Variants in ADAMTS20 observed in about 807,000 individuals in gnomAD.
The protein encoded by ADAMTS20 is ADAM metallopeptidase with thrombospondin type 1 motif 20, also known as A disintegrin and metalloproteinase with thrombospondin motifs 20.
ADAMTS20 carries 225 observed loss-of-function variants against 260.1 expected under a neutral mutation model. The observed-to-expected ratio is 0.87, with a 90% CI of 0.78 to 0.97. The LOEUF (loss-of-function observed/expected upper bound fraction) is 0.97, where lower values mean the gene tolerates loss of function less well. ADAMTS20 is among the 50% of genes least tolerant of loss of function. The pLI is 0.00. For synonymous variants in ADAMTS20, 802 were observed against 769.5 expected (o/e 1.04, Z -0.70); for missense variants, 2,400 against 2,337.7 (o/e 1.03, Z -0.55).
intron 2 of ADAMTS20, among the ~76,000 whole-genome samples, chr12:43,545,793 C>G (rs530631680): frequency 1.3e-5 from 2 of 152,068 alleles, no homozygotes; most frequent in African/African-American, 2.4e-5. Flanking sequence ...CCTATGTAAG[C>G]CTTTTTTTCT....
chr12:43,542,151 C>T (rs1186227130), intron 2 of ADAMTS20, among the ~76,000 whole-genome samples: 1 of 152,166 alleles, frequency 6.6e-6, no homozygotes, highest in Admixed American at 6.5e-5. Flanking sequence ...AAAGAAATGG[C>T]CACGTTCTTG....
chr12:43,430,528 T>C, intron 22 of ADAMTS20, 57 bp from the exon 23 acceptor site: 2 of 1,507,320 alleles, frequency 1.3e-6, no homozygotes, highest in Non-Finnish European at 9.0e-7. Context: ...TACACAAACT[T>C]CTATTTTCTT....
chr12:43,496,041 G>T (rs1249318723), intron 4 of ADAMTS20, among the ~76,000 whole-genome samples: 7 of 152,156 alleles, frequency 4.6e-5, no homozygotes, highest in Non-Finnish European at 1.0e-4. Context: ...GGTACTCAGA[G>T]AATTTTTGAA....
At chr12:43,434,424 T>C (rs1941510425) in intron 18 of ADAMTS20, 53 bp from the exon 19 acceptor site, 5 of 1,511,492 alleles carry the variant, frequency 3.3e-6, no homozygotes, top group East Asian at 2.4e-5. Context: ...CACAGTTAGA[T>C]GTTCCATAAT....
intron 3 of ADAMTS20, among the ~76,000 whole-genome samples, chr12:43,508,457 C>T (rs1465094933): frequency 6.6e-6 from 1 of 152,032 alleles, no homozygotes; most frequent in Admixed American, 6.6e-5. Flanking sequence ...CATGATAAAA[C>T]TGAATGGGTT....
rs957307979 is a variant in ADAMTS20, at chr12:43,551,158, G to A, written c.204C>T (p.Ser68=). The A allele has an allele frequency of 1.2e-6, 2 of 1,613,912 alleles. No homozygotes were observed. The highest frequency in any genetic ancestry group is 1.7e-5 in the Admixed American group (1 of 60,022). Residue 68 remains serine, a synonymous_variant, in exon 2 of 39, where the codon TCC becomes TCT. Transcript: ENST00000389420. The surrounding 1 kb of genome is among the most constrained non-coding windows in gnomAD (Gnocchi z 4.6). ...GGAACGGCATGGGTTCCAGCGCCTC[G>A]GAGCTGCGTTTCTGCCGGCTGAAGT... is the stretch of plus-strand genomic sequence containing the variant. ...SHHFSRQKRS[S]EALEPMPFRT...
At chr12:43,380,149 A>T (rs951642097) in intron 31 of ADAMTS20, among the ~76,000 whole-genome samples, 47 of 152,228 alleles carry the variant, frequency 3.1e-4, no homozygotes, top group African/African-American at 1.1e-3. Flanking sequence ...ATGAAAGTCA[A>T]TCTATGTAAT....
chr12:43,374,666 TA>T (rs1940182117), intron 36 of ADAMTS20, among the ~76,000 whole-genome samples: 1 of 152,184 alleles, frequency 6.6e-6, no homozygotes. Context: ...ACAAGAGTGT[TA>T]AAAAGGTCAA....
chr12:43,474,015 C>T (rs1172277755), intron 7 of ADAMTS20, among the ~76,000 whole-genome samples: 1 of 150,082 alleles, frequency 6.7e-6, no homozygotes, highest in Non-Finnish European at 1.5e-5. Context: ...AATAGAGACA[C>T]AAAAAACCCT....
intron 2 of ADAMTS20, 58 bp from the exon 3 acceptor site, chr12:43,532,253 A>G (rs1219222336): frequency 6.8e-6 from 10 of 1,462,294 alleles, no homozygotes; most frequent in Non-Finnish European, 9.3e-6. Context: ...AAGAAAAAAC[A>G]CATAGTACCA....
chr12:43,459,368 T>C (rs1292295390), intron 11 of ADAMTS20, among the ~76,000 whole-genome samples: 2 of 152,342 alleles, frequency 1.3e-5, no homozygotes, highest in Middle Eastern at 3.4e-3. Context: ...CCGGGTTCCA[T>C]GGTTCTCTTC....
In ADAMTS20 at chr12:43,429,636, C is replaced by T. The variant is rs373577605; in HGVS notation, c.3470G>A (p.Arg1157Gln). ...TVLIKKMAQWRHGSWTPCSVS... is the reference protein window; with the variant it reads ...TVLIKKMAQWQHGSWTPCSVS... Reference sequence around the variant, plus strand: ...ACTTACTGGGGTCCAAGAACCATGTCGCCATTGTGCCATCTTTTTTATGAG... The same window carrying T: ...ACTTACTGGGGTCCAAGAACCATGTTGCCATTGTGCCATCTTTTTTATGAG... The change falls in exon 24 of 39, where the codon CGA becomes CAA. Residue 1157 changes from arginine to glutamine, a missense_variant. Transcript: ENST00000389420. 14 of 1,595,582 alleles carry T rather than the reference C, an allele frequency of 8.8e-6. No homozygotes were observed. Among genetic ancestry groups the T allele is most frequent in the East Asian group, 2.2e-5 (1 of 44,524 alleles).
At position 43,453,997 on chromosome 12, in the gene ADAMTS20, C is replaced by T; in HGVS notation, c.1670G>A (p.Gly557Asp). 1 of 1,613,758 alleles carries T rather than the reference C, an allele frequency of 6.2e-7. No homozygotes were observed. Among genetic ancestry groups the T allele is most frequent in the Non-Finnish European group, 8.5e-7 (1 of 1,179,810 alleles). The change falls in exon 12 of 39, where the codon GGT (glycine) becomes GAT (aspartate). Residue 557 changes from glycine (G) to aspartate (D), a missense_variant. Transcript: ENST00000389420. The stretch of plus-strand genomic sequence containing the variant: ...GTAAGGTTCCCATGGTCCCCATTCA[C>T]CATTTACAGGACGTGTTTCCGTTTC... ...NKETETRPVN[G>D]EWGPWEPYSS...
Position 43,550,794 on chromosome 12 carries a change from C to T in ADAMTS20, c.453+115G>A, listed in dbSNP as rs994848947. Reference sequence around the variant, plus strand: ...GGCTTGGTGTTAATCCTTCTTGTAGCCCAACCTGAACTCCAGGGTCATCAG... The same window carrying T: ...GGCTTGGTGTTAATCCTTCTTGTAGTCCAACCTGAACTCCAGGGTCATCAG... On this transcript the variant is annotated intron_variant, in intron 2 of 38. Transcript: ENST00000389420. 5.7e-6 allele frequency: 8 copies of T among 1,399,570 alleles called. No homozygotes were observed. The African/African-American group carries it at 7.3e-5, about 13-fold the overall frequency. The allele number at this position is 1,399,570 out of a possible 1,614,324, so 86.7% of individuals were successfully genotyped here.
intron 7 of ADAMTS20, among the ~76,000 whole-genome samples, chr12:43,471,006 C>G (rs991070167): frequency 6.6e-6 from 1 of 152,178 alleles, no homozygotes; most frequent in Non-Finnish European, 1.5e-5. Context: ...ATAGGAACAG[C>G]TCCGGTCTAC....
At chr12:43,539,922 C>G (rs556019813) in intron 2 of ADAMTS20, among the ~76,000 whole-genome samples, 2 of 149,290 alleles carry the variant, frequency 1.3e-5, no homozygotes, top group African/African-American at 4.9e-5. Flanking sequence ...CTCACTCTAT[C>G]GCCAGGCTGG....
intron 38 of ADAMTS20, among the ~76,000 whole-genome samples, chr12:43,354,656 G>C (rs1939706468): frequency 6.6e-6 from 1 of 151,982 alleles, no homozygotes; most frequent in Non-Finnish European, 1.5e-5. Flanking sequence ...CTCCCAATTT[G>C]CAATCCAGTA....
intron 2 of ADAMTS20, among the ~76,000 whole-genome samples, chr12:43,543,467 GT>G (rs1434377773): frequency 3.9e-5 from 6 of 152,174 alleles, no homozygotes; most frequent in African/African-American, 1.4e-4. Context: ...TAGGGTTGCA[GT>G]CATGCTGGTC....
intron 3 of ADAMTS20, among the ~76,000 whole-genome samples, chr12:43,528,357 A>AAAAC (rs1943172865): frequency 6.8e-6 from 1 of 146,250 alleles, no homozygotes; most frequent in African/African-American, 2.5e-5. Context: ...GCAAAAAAAA[A>AAAAC]AAAAAAAAAA....
Sources: gnomAD v4.1 joint callset for allele counts (sites outside exome capture counted in the v4.1 genomes callset) on GRCh38, gnomAD v4.1.1 for gene constraint, Gnocchi (gnomAD v3.1) non-coding constraint, MANE v1.5 for transcripts, NCBI Gene and HGNC (gene_info 2026-07-23, HGNC 2026-07-21) for gene names.